CD93: variants seen among roughly 807,000 people sequenced by gnomAD.
CD93 encodes complement component C1q receptor.
A neutral mutation model predicts 45.5 loss-of-function variants in CD93; 44 were observed. The observed-to-expected ratio is 0.97, with a 90% CI of 0.76 to 1.24. The LOEUF (loss-of-function observed/expected upper bound fraction) is 1.24, where lower values mean the gene tolerates loss of function less well. Ranked by LOEUF, CD93 falls within the 50% of genes most tolerant of loss-of-function variation. The pLI is 0.00. For synonymous variants in CD93, 431 were observed against 370.8 expected (o/e 1.16, Z -1.87); for missense variants, 918 against 844.5 (o/e 1.09, Z -1.08).
rs1985441586 is a variant in CD93 at position 23,084,982 on chromosome 20, T to C, written c.1211A>G (p.Asp404Gly). ...SPCAQGCTNT[D>G]GSFHCSCEEG... The stretch of plus-strand genomic sequence containing the variant: ...CTCACAGGAGCAGTGAAATGAGCCA[T>C]CTGTGTTGGTGCAGCCCTGGGCGCA... The change falls in exon 1 of 2, where the codon GAT becomes GGT. Residue 404 changes from aspartate (D) to glycine (G), a missense_variant. Transcript: ENST00000246006. 6.2e-7 allele frequency: 1 copy of C among 1,613,876 alleles called. No individual in the cohort carries two copies. Among genetic ancestry groups the C allele is most frequent in the Non-Finnish European group, 8.5e-7 (1 of 1,179,998 alleles).
rs766499535 is a variant in CD93 at position 23,086,074 on chromosome 20, T to A, written c.119A>T (p.His40Leu). ...CTCGGCAGCGCTCAGCTTGCCCGAG[T>A]GGGCCGTGTAGCAGGCGGTCCCCAC... is the stretch of plus-strand genomic sequence containing the variant. ...VCVGTACYTA[H>L]SGKLSAAEAQ... The change falls in exon 1 of 2, where the codon CAC becomes CTC. Residue 40 changes from histidine (H) to leucine (L), a missense_variant. Coordinates refer to ENST00000246006, the MANE Select transcript of CD93 (RefSeq NM_012072.4). 6.2e-7 allele frequency: 1 copy of A among 1,602,870 alleles called. No individual in the cohort carries two copies.
At position 23,083,692 on chromosome 20, in the gene CD93, G is replaced by A; in HGVS notation, c.*258C>T. The A allele has an allele frequency of 1.8e-6, 1 of 559,934 alleles. No homozygotes were observed. The highest frequency in any genetic ancestry group is 3.2e-6 in the Non-Finnish European group (1 of 312,834). 34.7% of individuals were successfully genotyped at this position (559,934 alleles called of 1,614,324 possible). ...TTGGTCACATTGGAATTTGAAAAGG[G>A]AGGGGGAGTAACAATCATTATAGAG... On this transcript the variant is annotated 3_prime_UTR_variant, in exon 2 of 2. Coordinates refer to ENST00000246006, the MANE Select transcript of CD93 (RefSeq NM_012072.4).
chr20:23,085,942 G>A lies in CD93; in HGVS notation c.251C>T (p.Ala84Val). ...CTTGCTCATCCTCGCCGTCAGGGCT[G>A]CCTCCCGCCTCAGGAGCTGGGCCAG... is the stretch of plus-strand genomic sequence containing the variant. ...RVLAQLLRRE[A>V]ALTARMSKFW... Residue 84 changes from alanine (A) to valine (V), a missense_variant, in exon 1 of 2, where the codon GCA becomes GTA. Transcript: ENST00000246006. 6.2e-7 allele frequency: 1 copy of A among 1,608,450 alleles called. No individual in the cohort carries two copies. The highest frequency in any genetic ancestry group is 8.5e-7 in the Non-Finnish European group (1 of 1,178,428).
Position 23,084,856 on chromosome 20 carries a change from G to A in CD93, c.1337C>T (p.Thr446Ile). 2 of 1,613,320 alleles carry A rather than the reference G, an allele frequency of 1.2e-6. No homozygotes were observed. Among genetic ancestry groups the A allele is most frequent in the African/African-American group, 2.7e-5 (2 of 75,048 alleles). Reference sequence around the variant, plus strand: ...GCAGCCACAGTGGAAGGACCCTTGTGTGTTGAAGCACAAGCTGTCGCAGAG... The same window carrying A: ...GCAGCCACAGTGGAAGGACCCTTGTATGTTGAAGCACAAGCTGTCGCAGAG... ...GPLCDSLCFNTQGSFHCGCLP... is the reference protein window; with the variant it reads ...GPLCDSLCFNIQGSFHCGCLP... The change falls in exon 1 of 2, where the codon ACA becomes ATA. Residue 446 changes from threonine (T) to isoleucine (I), a missense_variant. Coordinates refer to ENST00000246006, the MANE Select transcript of CD93 (RefSeq NM_012072.4).
At position 23,082,564 on chromosome 20, in the gene CD93, T is replaced by A. The variant is rs62202609; in HGVS notation, c.*1386A>T. ...GTGTGTGTGTGTGTGTGTGTGTGTG[T>A]GTGTGAGAGAGAGAGAGAGAGAGAA... is the stretch of plus-strand genomic sequence containing the variant. On this transcript the variant is annotated 3_prime_UTR_variant, in exon 2 of 2. Coordinates refer to ENST00000246006, the MANE Select transcript of CD93 (RefSeq NM_012072.4). The A allele has an allele frequency of 0.016, 2,305 of 147,512 alleles. 68 individuals carry two copies. The highest frequency in any genetic ancestry group is 0.055 in the African/African-American group (2,188 of 39,706). 9.1% of individuals were successfully genotyped at this position (147,512 alleles called of 1,614,324 possible). A position where few individuals can be genotyped will look rare whatever the true frequency, so the allele number is the denominator to read the frequency against.
In CD93 at chr20:23,085,637, CT is replaced by C. The variant is rs776761196; in HGVS notation, c.555del (p.Gly186AlafsTer14). ...IEGFVCKFSF[K>X]GMCRPLALGG... ...CCCAGGGCCAGAGGCCGGCACATGC[CT>C]TTGAAGCTGAACTTGCACACGAAGC... On this transcript the variant is annotated frameshift_variant, in exon 1 of 2. Coordinates refer to ENST00000246006, the MANE Select transcript of CD93 (RefSeq NM_012072.4). LOFTEE classifies it high-confidence loss of function. 3 of 1,612,596 alleles carry C rather than the reference CT, an allele frequency of 1.9e-6. No individual in the cohort carries two copies. The highest frequency in any genetic ancestry group is 2.2e-5 in the South Asian group (2 of 91,040).
rs866963043 is a variant in CD93, at chr20:23,080,216, A to C, written c.*3734T>G. On this transcript the variant is annotated 3_prime_UTR_variant, in exon 2 of 2. Coordinates refer to ENST00000246006, the MANE Select transcript of CD93 (RefSeq NM_012072.4). ...ATAATAGGAAAGGCTTTCCTATGTT[A>C]GTTTTAAAAAGACTGTGTTATTTTT... 6.6e-6 allele frequency: 1 copy of C among 152,594 alleles called. No individual in the cohort carries two copies. Among genetic ancestry groups the C allele is most frequent in the African/African-American group, 2.4e-5 (1 of 41,438 alleles). The allele number at this position is 152,594 out of a possible 1,614,324, so 9.5% of individuals were successfully genotyped here.
At position 23,086,063 on chromosome 20, in the gene CD93, G is replaced by T; in HGVS notation, c.130C>A (p.Leu44Met). Residue 44 changes from leucine to methionine, a missense_variant, in exon 1 of 2, where the codon CTG (leucine) becomes ATG (methionine). Transcript: ENST00000246006. ...TGGTTCTGGGCCTCGGCAGCGCTCA[G>T]CTTGCCCGAGTGGGCCGTGTAGCAG... ...TACYTAHSGK[L>M]SAAEAQNHCN... 1 of 1,604,870 alleles carries T rather than the reference G, an allele frequency of 6.2e-7. No homozygotes were observed.
rs1402481461 is a variant in CD93, at chr20:23,084,259, C to T, written c.1934G>A (p.Ser645Asn). ...AESRAMENQY[S>N]PTPGTDC ...CCCGGTCACTCAGGGCCCCCTTTAC[C>T]TGTACTGGTTCTCCATGGCCCTGCT... The change falls in exon 1 of 2, where the codon AGT becomes AAT. Residue 645 changes from serine (S) to asparagine (N), a missense_variant and splice_region_variant. By Grantham distance (46) the Ser-to-Asn change is conservative. Coordinates refer to ENST00000246006, the MANE Select transcript of CD93 (RefSeq NM_012072.4). 15 of 1,613,520 alleles carry T rather than the reference C, an allele frequency of 9.3e-6. No homozygotes were observed. Among genetic ancestry groups the T allele is most frequent in the Non-Finnish European group, 1.3e-5 (15 of 1,179,900 alleles).
rs1020491580 is a variant in CD93, at chr20:23,079,591, A to T, written c.*4359T>A. 11 of 152,234 alleles carry T rather than the reference A, an allele frequency of 7.2e-5. No individual in the cohort carries two copies. Among genetic ancestry groups the T allele is most frequent in the African/African-American group, 2.7e-4 (11 of 41,468 alleles). The allele number at this position is 152,234 out of a possible 1,614,324, so 9.4% of individuals were successfully genotyped here. On this transcript the variant is annotated 3_prime_UTR_variant, in exon 2 of 2. Transcript: ENST00000246006. ...AGTCAAACAAATTTGAAATACACAC[A>T]TTTAAAAATACTTACATTCTCATTT...
chr20:23,086,127 C>T lies in CD93; in HGVS notation c.66G>A (p.Thr22=). The change falls in exon 1 of 2, where the codon ACG becomes ACA. Residue 22 remains threonine, a synonymous_variant. Transcript: ENST00000246006. ...AGACCACCGCCTCCGTGTCAGCTCC[C>T]GTCCCCGCCCCGGGCTGGGTCAGGA... is the stretch of plus-strand genomic sequence containing the variant. ...LLLLTQPGAG[T]GADTEAVVCV... is the part of the protein sequence containing the mutation. 1.3e-6 allele frequency: 2 copies of T among 1,583,802 alleles called. No homozygotes were observed. The highest frequency in any genetic ancestry group is 1.1e-5 in the South Asian group (1 of 88,888).
At position 23,086,127 on chromosome 20, in the gene CD93, C is replaced by G. The variant is rs760741812; in HGVS notation, c.66G>C (p.Thr22=). The change falls in exon 1 of 2, where the codon ACG becomes ACC. Residue 22 remains threonine, a synonymous_variant. Transcript: ENST00000246006. ...LLLLTQPGAG[T]GADTEAVVCV... ...AGACCACCGCCTCCGTGTCAGCTCCCGTCCCCGCCCCGGGCTGGGTCAGGA... is the reference window on the plus strand; with the variant it reads ...AGACCACCGCCTCCGTGTCAGCTCCGGTCCCCGCCCCGGGCTGGGTCAGGA... 5.1e-6 allele frequency: 8 copies of G among 1,583,684 alleles called. No homozygotes were observed. Among genetic ancestry groups the G allele is most frequent in the South Asian group, 1.1e-5 (1 of 88,892 alleles).
intron 1 of CD93, 62 bp from the exon 2 acceptor site, chr20:23,084,036 C>A: frequency 1.9e-6 from 3 of 1,599,312 alleles, no homozygotes; most frequent in Non-Finnish European, 1.7e-6. Flanking sequence ...CACGTCCCCA[C>A]CTTGGGAGAG....
Position 23,085,070 on chromosome 20 carries a change from G to A in CD93, c.1123C>T (p.Pro375Ser). ...CAGGCCCCCTCTCCAGGACCGCCCGGCTCATAGCCAACCCAGCATTCGCAG... is the reference window on the plus strand; with the variant it reads ...CAGGCCCCCTCTCCAGGACCGCCCGACTCATAGCCAACCCAGCATTCGCAG... ...FRCECWVGYE[P>S]GGPGEGACQD... The change falls in exon 1 of 2, where the codon CCG becomes TCG. Residue 375 changes from proline (P) to serine (S), a missense_variant. By Grantham distance (74) the Pro-to-Ser change is moderately conservative. Coordinates refer to ENST00000246006, the MANE Select transcript of CD93 (RefSeq NM_012072.4). 6.2e-7 allele frequency: 1 copy of A among 1,612,436 alleles called. No individual in the cohort carries two copies. Among genetic ancestry groups the A allele is most frequent in the Non-Finnish European group, 8.5e-7 (1 of 1,179,140 alleles).
At position 23,085,064 on chromosome 20, in the gene CD93, C is replaced by T. The variant is rs767003550; in HGVS notation, c.1129G>A (p.Gly377Ser). 2.1e-5 allele frequency: 34 copies of T among 1,612,968 alleles called. No individual in the cohort carries two copies. Among genetic ancestry groups the T allele is most frequent in the African/African-American group, 2.7e-5 (2 of 74,908 alleles). The change falls in exon 1 of 2, where the codon GGT (glycine) becomes AGT (serine). Residue 377 changes from glycine (G) to serine (S), a missense_variant. Transcript: ENST00000246006. ...CECWVGYEPG[G>S]PGEGACQDVD... ...TCCTGACAGGCCCCCTCTCCAGGAC[C>T]GCCCGGCTCATAGCCAACCCAGCAT...
rs1247804764 is a variant in CD93 at position 23,079,510 on chromosome 20, G to C, written c.*4440C>G. The C allele has an allele frequency of 6.6e-6, 1 of 152,216 alleles. No individual in the cohort carries two copies. The highest frequency in any genetic ancestry group is 1.5e-5 in the Non-Finnish European group (1 of 68,044). The allele number at this position is 152,216 out of a possible 1,614,324, so 9.4% of individuals were successfully genotyped here. A position where few individuals can be genotyped will look rare whatever the true frequency, so the allele number is the denominator to read the frequency against. On this transcript the variant is annotated 3_prime_UTR_variant, in exon 2 of 2. Transcript: ENST00000246006. ...TGAGCCTTCCCTCCTCACAGTTTGG[G>C]AAACATGCACAGGATGAAGGTAAAT...
At position 23,083,663 on chromosome 20, in the gene CD93, G is replaced by A. The variant is rs770765187; in HGVS notation, c.*287C>T. ...CCCCGGCCTCCTCACACCCTGATCC[G>A]GAATTGGTCACATTGGAATTTGAAA... On this transcript the variant is annotated 3_prime_UTR_variant, in exon 2 of 2. Coordinates refer to ENST00000246006, the MANE Select transcript of CD93 (RefSeq NM_012072.4). 5.5e-5 allele frequency: 28 copies of A among 512,614 alleles called. No individual in the cohort carries two copies. Among genetic ancestry groups the A allele is most frequent in the Non-Finnish European group, 7.0e-5 (20 of 284,494 alleles). The allele number at this position is 512,614 out of a possible 1,614,324, so 31.8% of individuals were successfully genotyped here. A position where few individuals can be genotyped will look rare whatever the true frequency, so the allele number is the denominator to read the frequency against.
At position 23,080,063 on chromosome 20, in the gene CD93, A is replaced by C. The variant is rs1407493446; in HGVS notation, c.*3887T>G. The C allele has an allele frequency of 6.6e-6, 1 of 152,376 alleles. No homozygotes were observed. Among genetic ancestry groups the C allele is most frequent in the Non-Finnish European group, 1.5e-5 (1 of 68,028 alleles). The allele number at this position is 152,376 out of a possible 1,614,324, so 9.4% of individuals were successfully genotyped here. A position where few individuals can be genotyped will look rare whatever the true frequency, so the allele number is the denominator to read the frequency against. ...GATGTTTTCTGGGATCATATCTCAG[A>C]TTCCCAAGCTAAAGCTATTGTTCAA... On this transcript the variant is annotated 3_prime_UTR_variant, in exon 2 of 2. Transcript: ENST00000246006.
At chr20:23,084,191 C>G in intron 1 of CD93, 68 bp downstream of exon 1, 2 of 1,566,594 alleles carry the variant, frequency 1.3e-6, no homozygotes, top group Non-Finnish European at 1.7e-6. Flanking sequence ...GCTGCCACCT[C>G]TTTGTACTGT....
Sources: gnomAD v4.1 joint callset for allele counts on GRCh38, gnomAD v4.1.1 for gene constraint, MANE v1.5 for transcripts, NCBI Gene and HGNC (gene_info 2026-07-23, HGNC 2026-07-21) for gene names.